Variants in DDX59 observed in about 807,000 individuals in gnomAD.
The protein encoded by DDX59 is DEAD-box helicase 59, also known as probable ATP-dependent RNA helicase DDX59.
DDX59 carries 30 observed loss-of-function variants against 51.9 expected under a neutral mutation model. The observed-to-expected ratio is 0.58, with a 90% CI of 0.43 to 0.78. DDX59 has a LOEUF of 0.78. DDX59 is among the 30% of genes least tolerant of loss of function. The pLI is 0.00. For missense variants in DDX59, 672 were observed against 730.8 expected (o/e 0.92, Z 0.93); for synonymous variants, 255 against 253.3 (o/e 1.01, Z -0.06).
In DDX59 at chr1:200,669,350, G is replaced by T. The variant is rs569515726; in HGVS notation, c.-12+417C>A. Among the ~76,000 whole-genome samples the T allele has an allele frequency of 4.6e-5, 7 of 152,278 alleles. No individual in the cohort carries two copies. In the South Asian group the frequency reaches 1.2e-3, roughly 27 times the overall value. On this transcript the variant is annotated intron_variant, in intron 1 of 7. Transcript: ENST00000331314. ...ATCCTAAATCTCCGAAAATGTACAG[G>T]GGGTGGCGGGCGGGGCAGGGACGGC...
intron 7 of DDX59, among the ~76,000 whole-genome samples, chr1:200,645,109 G>A (rs937729066): frequency 2.6e-5 from 4 of 152,092 alleles, no homozygotes; most frequent in South Asian, 2.1e-4. Flanking sequence ...AGTTATACCT[G>A]TATGGGTGGT....
intron 1 of DDX59, among the ~76,000 whole-genome samples, chr1:200,668,425 G>T (rs1245419440): frequency 1.3e-5 from 2 of 152,180 alleles, no homozygotes; most frequent in African/African-American, 4.8e-5. Context: ...CGAGGACTAA[G>T]CTCTAATTTT....
At chr1:200,658,205 C>T (rs1662156771) in intron 4 of DDX59, among the ~76,000 whole-genome samples, 1 of 152,196 alleles carries the variant, frequency 6.6e-6, no homozygotes, top group African/African-American at 2.4e-5. Flanking sequence ...ATGCATGTGC[C>T]CCGCAGGCAG....
Position 200,649,139 on chromosome 1 carries a change from T to C in DDX59, c.1402A>G (p.Thr468Ala). Residue 468 changes from threonine to alanine, a missense_variant, in exon 6 of 8, where the codon ACA (threonine) becomes GCA (alanine). Physicochemically the swap from Thr to Ala is moderately conservative, Grantham distance 58. Coordinates refer to ENST00000331314, the MANE Select transcript of DDX59 (RefSeq NM_001031725.6). ...TGTATAGATATGCTTTTCAGCCCTGTGATTTTCTGAACGGCTTCACTCAAA... is the reference window on the plus strand; with the variant it reads ...TGTATAGATATGCTTTTCAGCCCTGCGATTTTCTGAACGGCTTCACTCAAA... ...DLLSEAVQKI[T>A]GLKSISIHSE... 1 of 1,595,356 alleles carries C rather than the reference T, an allele frequency of 6.3e-7. No homozygotes were observed. Among genetic ancestry groups the C allele is most frequent in the Non-Finnish European group, 8.5e-7 (1 of 1,174,446 alleles).
At chr1:200,657,994 C>T (rs1662140237) in intron 4 of DDX59, among the ~76,000 whole-genome samples, 1 of 152,210 alleles carries the variant, frequency 6.6e-6, no homozygotes, top group Non-Finnish European at 1.5e-5. Context: ...CTTGCCTAAG[C>T]TCTCATGGGA....
intron 4 of DDX59, among the ~76,000 whole-genome samples, chr1:200,655,980 G>A (rs905581328): frequency 4.6e-5 from 7 of 152,082 alleles, no homozygotes; most frequent in South Asian, 4.1e-4. Flanking sequence ...ACAGGCACGC[G>A]CCACCACGCC....
At chr1:200,654,124 A>G (rs1321483902) in intron 4 of DDX59, among the ~76,000 whole-genome samples, 1 of 152,152 alleles carries the variant, frequency 6.6e-6, no homozygotes, top group African/African-American at 2.4e-5. Flanking sequence ...GATAAGAATC[A>G]CCTGAAGGGC....
At chr1:200,664,329 A>C (rs1662574046) in intron 2 of DDX59, among the ~76,000 whole-genome samples, 2 of 152,342 alleles carry the variant, frequency 1.3e-5, no homozygotes, top group South Asian at 4.1e-4. Context: ...AGGTGTCCAC[A>C]GTAACCAAGG....
chr1:200,668,318 A>G (rs1041372295), intron 1 of DDX59, among the ~76,000 whole-genome samples: 2 of 152,016 alleles, frequency 1.3e-5, no homozygotes, highest in Non-Finnish European at 2.9e-5. Context: ...AAAAAAAAAA[A>G]AAAAGAAAAG....
chr1:200,648,379 A>G, intron 7 of DDX59, 60 bp downstream of exon 7: 1 of 1,601,538 alleles, frequency 6.2e-7, no homozygotes, highest in East Asian at 2.2e-5. Context: ...TATCACATTG[A>G]CAATGCCTTT....
intron 4 of DDX59, among the ~76,000 whole-genome samples, chr1:200,656,856 C>A (rs1261629775): frequency 1.3e-5 from 2 of 152,088 alleles, no homozygotes; most frequent in Admixed American, 6.5e-5. Context: ...GAATTCAAGA[C>A]CAGCCTGGGC....
chr1:200,666,017 C>G lies in DDX59; in HGVS notation c.724G>C (p.Asp242His), dbSNP rs750607275. The G allele has an allele frequency of 1.9e-6, 3 of 1,614,212 alleles. No homozygotes were observed. The South Asian group carries it at 3.3e-5, about 18-fold the overall frequency. ...CCAGTATCTGCACTGGCCAGAATGTCTCTTCCCAGAAGTCCCACAGGAATC... is the reference window on the plus strand; with the variant it reads ...CCAGTATCTGCACTGGCCAGAATGTGTCTTCCCAGAAGTCCCACAGGAATC... ...QMIPVGLLGR[D>H]ILASADTGSG... is the part of the protein sequence containing the mutation. Residue 242 changes from aspartate (D) to histidine (H), a missense_variant, in exon 2 of 8, where the codon GAC becomes CAC. By Grantham distance (81) the Asp-to-His change is moderately conservative. Coordinates refer to ENST00000331314, the MANE Select transcript of DDX59 (RefSeq NM_001031725.6).
intron 3 of DDX59, among the ~76,000 whole-genome samples, chr1:200,660,983 G>A (rs1018603183): frequency 1.3e-5 from 2 of 152,186 alleles, no homozygotes; most frequent in South Asian, 4.1e-4. Flanking sequence ...TAGTCCAATA[G>A]CAATCAACGC....
At chr1:200,652,469 A>G (rs1250516255) in intron 4 of DDX59, among the ~76,000 whole-genome samples, 1 of 152,114 alleles carries the variant, frequency 6.6e-6, no homozygotes, top group Non-Finnish European at 1.5e-5. Context: ...TCCTGGGCTC[A>G]AGCCAACCTC....
At chr1:200,657,509 G>C (rs1558124162) in intron 4 of DDX59, among the ~76,000 whole-genome samples, 1 of 152,092 alleles carries the variant, frequency 6.6e-6, no homozygotes, top group Non-Finnish European at 1.5e-5. Context: ...CAGCACCTTG[G>C]GAGGCCGAGA....
chr1:200,655,741 A>G (rs578172814), intron 4 of DDX59, among the ~76,000 whole-genome samples: 52 of 152,240 alleles, frequency 3.4e-4, no homozygotes, highest in Middle Eastern at 3.4e-3. Context: ...ATTACCTCTA[A>G]GAAGCCATTT....
chr1:200,665,846 C>T, intron 2 of DDX59, 91 bp downstream of exon 2: 1 of 1,371,114 alleles, frequency 7.3e-7, no homozygotes, highest in Non-Finnish European at 9.8e-7. Flanking sequence ...TAGTTTTAGT[C>T]TGCAATTTTA....
At chr1:200,648,697 G>T in intron 6 of DDX59, 130 bp from the exon 7 acceptor site, 1 of 1,073,760 alleles carries the variant, frequency 9.3e-7, no homozygotes, top group South Asian at 1.8e-5. Flanking sequence ...ATAAGTAAAG[G>T]TCATAGTATA....
Position 200,666,430 on chromosome 1 carries a change from C to T in DDX59, c.311G>A (p.Gly104Glu). 1 of 1,614,146 alleles carries T rather than the reference C, an allele frequency of 6.2e-7. No individual in the cohort carries two copies. The highest frequency in any genetic ancestry group is 8.5e-7 in the Non-Finnish European group (1 of 1,180,026). ...FSKTQRWAEPGEPICVVCGRY... is the reference protein window; with the variant it reads ...FSKTQRWAEPEEPICVVCGRY... ...ACCACAGACAACACAGATGGGTTCCCCTGGTTCTGCCCAGCGCTGTGTTTT... is the reference window on the plus strand; with the variant it reads ...ACCACAGACAACACAGATGGGTTCCTCTGGTTCTGCCCAGCGCTGTGTTTT... Residue 104 changes from glycine to glutamate, a missense_variant, in exon 2 of 8, where the codon GGG (glycine) becomes GAG (glutamate). Gly to Glu is a moderately conservative substitution (Grantham distance 98). Transcript: ENST00000331314.
Sources: allele counts gnomAD v4.1 joint callset (sites outside exome capture counted in the v4.1 genomes callset), GRCh38; gene constraint gnomAD v4.1.1; transcripts MANE v1.5; gene names NCBI Gene and HGNC (gene_info 2026-07-23, HGNC 2026-07-21).